POLD1: variants seen among roughly 807,000 people sequenced by gnomAD.
POLD1 encodes the protein DNA polymerase delta catalytic subunit.
A neutral mutation model predicts 129.7 loss-of-function variants in POLD1; 79 were observed. The ratio of observed to expected loss-of-function variants is 0.61; its 90% CI spans 0.51 to 0.73. The LOEUF is 0.73. Ranked by LOEUF, POLD1 falls within the 30% of genes least tolerant of loss-of-function variation. POLD1 has a pLI of 0.00. For missense variants in POLD1, 1,338 were observed against 1,595.8 expected (o/e 0.84, Z 2.75); for synonymous variants, 714 against 683.3 (o/e 1.04, Z -0.70).
chr19:50,401,740 G>C, intron 3 of POLD1, 38 bp from the exon 4 acceptor site: 1 of 1,607,434 alleles, frequency 6.2e-7, no homozygotes, highest in Non-Finnish European at 8.5e-7. Flanking sequence ...GGAGGACCCT[G>C]AGAGGCATGG....
In POLD1 at chr19:50,417,281, G is replaced by A; in HGVS notation, c.3218+12G>A. 1 of 1,564,268 alleles carries A rather than the reference G, an allele frequency of 6.4e-7. No individual in the cohort carries two copies. Among genetic ancestry groups the A allele is most frequent in the Non-Finnish European group, 8.7e-7 (1 of 1,154,954 alleles). On this transcript the variant is annotated intron_variant, in intron 26 of 26. Transcript: ENST00000440232. Reference sequence around the variant, plus strand: ...GTCATCTGCACCAGGTGTGTGCCATGTCCCGACCCTGGGCTGCCCCGCCCC... The same window carrying A: ...GTCATCTGCACCAGGTGTGTGCCATATCCCGACCCTGGGCTGCCCCGCCCC...
In POLD1 at chr19:50,416,700, G is replaced by C. The variant is rs1243147142; in HGVS notation, c.3044G>C (p.Cys1015Ser). 6.5e-7 allele frequency: 1 copy of C among 1,542,210 alleles called. No individual in the cohort carries two copies. Among genetic ancestry groups the C allele is most frequent in the Admixed American group, 2.0e-5 (1 of 51,272 alleles). ...AAACGCCGCAACTGCTGCATTGGCT[G>C]CCGCACAGTGCTCAGCCACCAGGGT... Reference protein sequence around the residue: ...FAKRRNCCIGCRTVLSHQGAV... With the variant: ...FAKRRNCCIGSRTVLSHQGAV... The change falls in exon 24 of 27, where the codon TGC (cysteine) becomes TCC (serine). Residue 1015 changes from cysteine to serine, a missense_variant. Transcript: ENST00000440232.
rs2122252589 is a variant in POLD1, at chr19:50,402,550, A to G, written c.840+15A>G. Reference sequence around the variant, plus strand: ...TGAAGGAGAAGGTGCAGGGCTTCCCAGGGCAGGGCTGGGTGGGGAGCTGGT... The same window carrying G: ...TGAAGGAGAAGGTGCAGGGCTTCCCGGGGCAGGGCTGGGTGGGGAGCTGGT... On this transcript the variant is annotated intron_variant, in intron 7 of 26. Transcript: ENST00000440232. 1.3e-6 allele frequency: 2 copies of G among 1,573,858 alleles called. No homozygotes were observed.
rs1568619907 is a variant in POLD1 at position 50,402,223 on chromosome 19, G to A, written c.608G>A (p.Gly203Glu). The A allele has an allele frequency of 6.3e-7, 1 of 1,586,470 alleles. No homozygotes were observed. Among genetic ancestry groups the A allele is most frequent in the Non-Finnish European group, 8.6e-7 (1 of 1,165,256 alleles). Residue 203 changes from glycine to glutamate, a missense_variant, in exon 6 of 27, where the codon GGG becomes GAG. Gly to Glu is a moderately conservative substitution (Grantham distance 98). This residue lies in a region of POLD1 where 332 missense variants were observed against 315.7 expected (regional missense o/e 1.05). Transcript: ENST00000440232. ...TCCACAGGCATGTTTGGGTACCACGGGCACGGCCCCTCCCCGTTCCTGCGC... is the reference window on the plus strand; with the variant it reads ...TCCACAGGCATGTTTGGGTACCACGAGCACGGCCCCTCCCCGTTCCTGCGC... The part of the protein sequence containing the change: ...CSRESMFGYH[G>E]HGPSPFLRIT...
At chr19:50,387,385 G>A (rs967874762) in intron 1 of POLD1, among the ~76,000 whole-genome samples, 4 of 152,200 alleles carry the variant, frequency 2.6e-5, no homozygotes, top group Non-Finnish European at 4.4e-5. Context: ...CTGGCCTGCA[G>A]CGAGCACGTG....
intron 14 of POLD1, 103 bp from the exon 15 acceptor site, chr19:50,408,682 A>T (rs1348163956): frequency 1.3e-6 from 2 of 1,521,164 alleles, no homozygotes; most frequent in South Asian, 2.5e-5. Flanking sequence ...GCTCCCAGCC[A>T]ATGAATGATT....
At position 50,415,763 on chromosome 19, in the gene POLD1, C is replaced by G; in HGVS notation, c.2757C>G (p.Gly919=). Residue 919 remains glycine (G), a synonymous_variant, in exon 22 of 27, where the codon GGC becomes GGG. Coordinates refer to ENST00000440232, the MANE Select transcript of POLD1 (RefSeq NM_002691.4). ...ACCCCGGGAGTGCGCCCAGCCTGGG[C>G]GACCGCGTCCCCTACGTGATCATCA... ...KRDPGSAPSL[G]DRVPYVIISA... 6.6e-7 allele frequency: 1 copy of G among 1,522,108 alleles called. No individual in the cohort carries two copies. The highest frequency in any genetic ancestry group is 8.8e-7 in the Non-Finnish European group (1 of 1,131,334). The allele number at this position is 1,522,108 out of a possible 1,614,324, so 94.3% of individuals were successfully genotyped here.
chr19:50,403,158 C>G lies in POLD1; in HGVS notation c.1076C>G (p.Pro359Arg), dbSNP rs755198962. 1.3e-6 allele frequency: 2 copies of G among 1,561,494 alleles called. No homozygotes were observed. The highest frequency in any genetic ancestry group is 2.7e-5 in the African/African-American group (2 of 73,692). The part of the protein sequence containing the change: ...PFLRLALTLR[P>R]CAPILGAKVQ... The stretch of plus-strand genomic sequence containing the variant: ...CTACGCCTGGCGCTCACCCTGCGGC[C>G]CTGTGCCCCCATCCTGGGTGCCAAG... The change falls in exon 9 of 27, where the codon CCC (proline) becomes CGC (arginine). Residue 359 changes from proline (P) to arginine (R), a missense_variant. Around this residue, in one of 3 missense-constraint regions of POLD1, gnomAD observed 720 missense variants for 1,002.6 expected, o/e 0.72. Coordinates refer to ENST00000440232, the MANE Select transcript of POLD1 (RefSeq NM_002691.4).
rs763570845 is a variant in POLD1 at position 50,415,600 on chromosome 19, G to A, written c.2717+10G>A. The A allele has an allele frequency of 5.6e-6, 9 of 1,607,882 alleles. No individual in the cohort carries two copies. The highest frequency in any genetic ancestry group is 1.3e-5 in the African/African-American group (1 of 74,852). On this transcript the variant is annotated intron_variant, in intron 21 of 26. Transcript: ENST00000440232. ...TGGAGCTGGCCGAGAGGTCCTGCGC[G>A]GGGCGGGTGGCCTGGCCAGAAATAA... is the stretch of plus-strand genomic sequence containing the variant.
intron 1 of POLD1, among the ~76,000 whole-genome samples, chr19:50,386,160 G>C (rs1555786989): frequency 6.6e-6 from 1 of 151,616 alleles, no homozygotes; most frequent in Admixed American, 6.6e-5. Context: ...TGGTTTTTGA[G>C]ACAGGGTCTT....
rs2122262011 is a variant in POLD1, at chr19:50,402,760, G to A, written c.970+19G>A. 1 of 1,569,414 alleles carries A rather than the reference G, an allele frequency of 6.4e-7. No individual in the cohort carries two copies. The highest frequency in any genetic ancestry group is 8.7e-7 in the Non-Finnish European group (1 of 1,153,504). ...CGCAAAGGTCTGTCCCCGGGCCCGG[G>A]CTCCTGCCCGCCTCATTGATGTGCC... On this transcript the variant is annotated intron_variant, in intron 8 of 26. Transcript: ENST00000440232.
intron 22 of POLD1, chr19:50,416,035 C>T (rs1020070769): frequency 2.6e-5 from 15 of 582,290 alleles, no homozygotes; most frequent in Non-Finnish European, 4.5e-5. Context: ...ATGGAAGGGG[C>T]CCCAGTCCCT....
rs2038731908 is a variant in POLD1, at chr19:50,403,213, G to A, written c.1131G>A (p.Leu377=). The part of the protein sequence containing the change: ...KVQSYEKEED[L]LQAWSTFIRI... ...AGAGCTACGAGAAGGAGGAGGACCT[G>A]CTGCAGGTAGCTCTCGCTCCACGCC... Residue 377 remains leucine (L), a synonymous_variant, in exon 9 of 27, where the codon CTG becomes CTA. Transcript: ENST00000440232. The A allele has an allele frequency of 1.3e-6, 2 of 1,552,182 alleles. No homozygotes were observed. The highest frequency in any genetic ancestry group is 1.2e-5 in the South Asian group (1 of 84,544).
chr19:50,417,427 T>TG, intron 26 of POLD1, among the ~76,000 whole-genome samples, 158 bp downstream of exon 26: 1 of 152,086 alleles, frequency 6.6e-6, no homozygotes, highest in East Asian at 1.9e-4. Context: ...TGTCCTTGTC[T>TG]GAAAAATGGG....
intron 20 of POLD1, 33 bp downstream of exon 20, chr19:50,415,023 G>T: frequency 2.0e-6 from 3 of 1,478,998 alleles, no homozygotes; most frequent in Non-Finnish European, 1.8e-6. Flanking sequence ...GACTCAGGGG[G>T]CTGGGCCCCA....
chr19:50,403,398 T>C lies in POLD1; in HGVS notation c.1138-95T>C, dbSNP rs192627427. The C allele has an allele frequency of 2.7e-4, 321 of 1,194,044 alleles. 2 individuals are homozygous for C. The East Asian group carries it at 5.2e-3, about 20-fold the overall frequency. 74.0% of individuals were successfully genotyped at this position (1,194,044 alleles called of 1,614,324 possible). A position where few individuals can be genotyped will look rare whatever the true frequency, so the allele number is the denominator to read the frequency against. ...CACTTCCCCTCTGGGTTCTGCAGGA[T>C]TTTCAGGGGTGGCTGGGGTTCTAGA... is the stretch of plus-strand genomic sequence containing the variant. On this transcript the variant is annotated intron_variant, in intron 9 of 26. Transcript: ENST00000440232.
chr19:50,391,213 C>CT (rs929410992), intron 1 of POLD1, among the ~76,000 whole-genome samples: 10 of 151,440 alleles, frequency 6.6e-5, no homozygotes, highest in Non-Finnish European at 1.5e-4. Context: ...ACTTCCTAGA[C>CT]GGGATGGCGG....
Position 50,413,851 on chromosome 19 carries a change from C to T in POLD1, c.2360C>T (p.Pro787Leu), listed in dbSNP as rs199783227. 34 of 1,608,014 alleles carry T rather than the reference C, an allele frequency of 2.1e-5. No individual in the cohort carries two copies. The highest frequency in any genetic ancestry group is 5.4e-5 in the African/African-American group (4 of 74,720). ...EAADWVSGHF[P>L]SPIRLEFEKV... ...GCGGACTGGGTGTCAGGTCACTTCC[C>T]GTCGCCCATCCGGCTGGAGTTTGAG... Residue 787 changes from proline to leucine, a missense_variant, in exon 19 of 27, where the codon CCG (proline) becomes CTG (leucine). This residue lies in a region of POLD1 where 720 missense variants were observed against 1,002.6 expected (regional missense o/e 0.72). Coordinates refer to ENST00000440232, the MANE Select transcript of POLD1 (RefSeq NM_002691.4).
intron 1 of POLD1, among the ~76,000 whole-genome samples, chr19:50,395,331 C>T (rs2038315986): frequency 6.6e-6 from 1 of 151,656 alleles, no homozygotes; most frequent in Non-Finnish European, 1.5e-5. Flanking sequence ...CGCGGTGGCT[C>T]ACACCTATAA....
Sources: gnomAD v4.1 joint callset for allele counts (sites outside exome capture counted in the v4.1 genomes callset) on GRCh38, gnomAD v4.1.1 for gene constraint, gnomAD v4.1.1 regional missense constraint, MANE v1.5 for transcripts, NCBI Gene and HGNC (gene_info 2026-07-23, HGNC 2026-07-21) for gene names.